The following PPP2R2D variants were observed in gnomAD, a reference collection of about 807,000 sequenced individuals.
PPP2R2D encodes protein phosphatase 2 regulatory subunit Bdelta.
Under a neutral mutation model 31.1 loss-of-function variants are expected in PPP2R2D, and 9 were observed. That is an observed-to-expected ratio of 0.29 (90% CI 0.17 to 0.51). The LOEUF is 0.51. Ranked by LOEUF, PPP2R2D falls within the 20% of genes least tolerant of loss-of-function variation. The pLI is 0.98. For synonymous variants in PPP2R2D, 179 were observed against 172.6 expected (o/e 1.04, Z -0.29); for missense variants, 391 against 465.6 (o/e 0.84, Z 1.48).
intron 5 of PPP2R2D, 199 bp downstream of exon 5, chr10:131,940,893 C>T (rs1158197639): frequency 6.0e-6 from 3 of 499,540 alleles, no homozygotes; most frequent in East Asian, 6.3e-5. Context: ...GGCAGAAAGT[C>T]ACATGTGGTC....
In PPP2R2D at chr10:131,940,854, A is replaced by G. The variant is rs555877239; in HGVS notation, c.477+160A>G. On this transcript the variant is annotated intron_variant, in intron 5 of 8. Coordinates refer to ENST00000455566, the MANE Select transcript of PPP2R2D (RefSeq NM_018461.5). The stretch of plus-strand genomic sequence containing the variant: ...CGTTTGCACTCATGTGTGTGTTTAA[A>G]AGCAAGGTCTTTCTCCTGTTTTCAC... 6 of 533,736 alleles carry G rather than the reference A, an allele frequency of 1.1e-5. No individual in the cohort carries two copies. The African/African-American group carries it at 1.2e-4, about 10-fold the overall frequency. The allele number at this position is 533,736 out of a possible 1,614,324, so 33.1% of individuals were successfully genotyped here.
At chr10:131,927,821 G>A (rs1338929671) in intron 2 of PPP2R2D, among the ~76,000 whole-genome samples, 1 of 152,216 alleles carries the variant, frequency 6.6e-6, no homozygotes, top group East Asian at 1.9e-4. Context: ...TCTGTTGTAT[G>A]AATATGCCAC....
At chr10:131,918,201 G>C (rs1293783387) in intron 2 of PPP2R2D, among the ~76,000 whole-genome samples, 1 of 150,338 alleles carries the variant, frequency 6.7e-6, no homozygotes, top group African/African-American at 2.5e-5. Flanking sequence ...CGTTTGTAGG[G>C]ACCTCAGGCA....
intron 2 of PPP2R2D, among the ~76,000 whole-genome samples, chr10:131,917,087 C>T (rs2035813862): frequency 1.4e-5 from 2 of 140,160 alleles, no homozygotes; most frequent in Admixed American, 7.3e-5. Flanking sequence ...TTTGTAGGGA[C>T]CTCACACGGG....
chr10:131,961,531 A>G (rs1450856802), downstream of PPP2R2D, among the ~76,000 whole-genome samples: 2 of 152,108 alleles, frequency 1.3e-5, no homozygotes, highest in African/African-American at 2.4e-5. Context: ...CACTGGGGTG[A>G]TACTGGGCTT....
intron 8 of PPP2R2D, among the ~76,000 whole-genome samples, chr10:131,950,693 G>A (rs1197476351): frequency 6.6e-6 from 1 of 152,302 alleles, no homozygotes; most frequent in South Asian, 2.1e-4. Context: ...GCAGAGGAAC[G>A]CAGCCTGCAG....
At chr10:131,934,664 C>G (rs2036306414) in intron 3 of PPP2R2D, 109 bp downstream of exon 3, 2 of 695,448 alleles carry the variant, frequency 2.9e-6, no homozygotes, top group Admixed American at 2.0e-5. Flanking sequence ...CATTAAGATT[C>G]AGTTCCATCA....
chr10:131,906,856 G>A (rs1307450864), intron 2 of PPP2R2D, among the ~76,000 whole-genome samples: 3 of 151,746 alleles, frequency 2.0e-5, no homozygotes, highest in African/African-American at 4.8e-5. Context: ...TGGGGGCATC[G>A]CTTGAGCCAG....
chr10:131,914,571 C>T (rs1245309488), intron 2 of PPP2R2D, among the ~76,000 whole-genome samples: 2 of 152,152 alleles, frequency 1.3e-5, no homozygotes, highest in African/African-American at 4.8e-5. Flanking sequence ...AGTGATACAA[C>T]GTTGAAAACA....
chr10:131,971,245 G>C, the PPP2R2D span: 544 of 455,362 alleles, frequency 1.2e-3, 4 homozygotes, highest in African/African-American at 1.0e-2. Flanking sequence ...TTCACTGTGA[G>C]ATTCTGGGGG....
intron 2 of PPP2R2D, among the ~76,000 whole-genome samples, chr10:131,904,670 G>A (rs1390609738): frequency 6.6e-6 from 1 of 152,186 alleles, no homozygotes; most frequent in African/African-American, 2.4e-5. Context: ...CAGCTCTGTA[G>A]AGCTTTACTA....
At chr10:131,944,916 T>C (rs1554897733) in intron 6 of PPP2R2D, among the ~76,000 whole-genome samples, 1 of 152,238 alleles carries the variant, frequency 6.6e-6, no homozygotes, top group Non-Finnish European at 1.5e-5. Flanking sequence ...GGCGGCATTC[T>C]TGTGTTGTAG....
chr10:131,971,000 C>T, the PPP2R2D span: 1 of 1,595,474 alleles, frequency 6.3e-7, no homozygotes, highest in Admixed American at 1.7e-5. This position sits in a 1 kb window ranked among gnomAD's most constrained non-coding sequence, Gnocchi z 4.1. Context: ...AAAGGCAGAT[C>T]AGTGTACCAC....
At chr10:131,904,728 G>A (rs1216641581) in intron 2 of PPP2R2D, among the ~76,000 whole-genome samples, 3 of 152,194 alleles carry the variant, frequency 2.0e-5, no homozygotes, top group Non-Finnish European at 4.4e-5. Flanking sequence ...AATGGGTAAG[G>A]AGAAGGAGCC....
intron 2 of PPP2R2D, among the ~76,000 whole-genome samples, chr10:131,902,299 C>G (rs1481988106): frequency 6.6e-6 from 1 of 152,164 alleles, no homozygotes; most frequent in Non-Finnish European, 1.5e-5. Flanking sequence ...ATACACCTTC[C>G]CTGCCTCAAG....
rs139157236 is a variant in PPP2R2D at position 131,947,342 on chromosome 10, C to T, written c.821-188C>T. 2.4e-3 allele frequency among the ~76,000 whole-genome samples: 358 copies of T among 152,188 alleles called. 1 individual carries two copies. Among genetic ancestry groups the T allele is most frequent in the African/African-American group, 8.2e-3 (340 of 41,498 alleles). On this transcript the variant is annotated intron_variant, in intron 7 of 8. Coordinates refer to ENST00000455566, the MANE Select transcript of PPP2R2D (RefSeq NM_018461.5). The surrounding 1 kb of genome is among the most constrained non-coding windows in gnomAD (Gnocchi z 4.3). ...ATAGCTGGTGCTAGAATGTCTTATC[C>T]GAAGCTCTTGCCCACGGAAGTCACA...
chr10:131,902,652 A>G (rs2035519184), intron 2 of PPP2R2D, among the ~76,000 whole-genome samples: 2 of 152,240 alleles, frequency 1.3e-5, no homozygotes, highest in Non-Finnish European at 2.9e-5. Context: ...GTGACAGTTC[A>G]GCCTTACTCA....
At chr10:131,944,264 C>A in intron 6 of PPP2R2D, 119 bp downstream of exon 6, 4 of 747,764 alleles carry the variant, frequency 5.3e-6, no homozygotes, top group Non-Finnish European at 8.5e-6. Flanking sequence ...CATCACTGCA[C>A]AGCAGCCTGT....
chr10:131,955,202 A>G lies in PPP2R2D; in HGVS notation c.1083-482A>G, dbSNP rs78117360. Among the ~76,000 whole-genome samples, 140 of 152,292 alleles carry G rather than the reference A, an allele frequency of 9.2e-4. 4 individuals are homozygous for G. In the East Asian group the frequency reaches 0.025, roughly 27 times the overall value. ...ACACTTTGCCCAGTGGATTTTTACT[A>G]TTTCTATCCGTTGCCTCATTTGAAA... On this transcript the variant is annotated intron_variant, in intron 8 of 8. Transcript: ENST00000455566.
Sources: gnomAD v4.1 joint callset for allele counts (sites outside exome capture counted in the v4.1 genomes callset) on GRCh38, gnomAD v4.1.1 for gene constraint, Gnocchi (gnomAD v3.1) non-coding constraint, MANE v1.5 for transcripts, NCBI Gene and HGNC (gene_info 2026-07-23, HGNC 2026-07-21) for gene names.